ZNF408: variants seen among roughly 807,000 people sequenced by gnomAD.
ZNF408 encodes the protein PR domain zinc finger protein 17.
Under a neutral mutation model 27.6 loss-of-function variants are expected in ZNF408, and 24 were observed. The observed-to-expected ratio is 0.87, with a 90% CI of 0.63 to 1.22. The LOEUF (loss-of-function observed/expected upper bound fraction) is 1.22. ZNF408 is among the 50% of genes most tolerant of loss of function. The pLI, the probability that ZNF408 is intolerant of heterozygous loss-of-function variation, is 0.00. For missense variants in ZNF408, 897 were observed against 949.0 expected, an observed-to-expected ratio of 0.95 and a Z score of 0.72; for synonymous variants, 410 against 396.1, an observed-to-expected ratio of 1.04 and a Z score of -0.42.
At chr11:46,702,648 A>G (rs1346655297) in intron 2 of ZNF408, 56 bp from the exon 3 acceptor site, 4 of 1,556,800 alleles carry the variant, frequency 2.6e-6, no homozygotes, top group Middle Eastern at 1.7e-4. Context: ...TTCTTTTTTT[A>G]TTCCTACCCG....
chr11:46,705,676 T>C lies in ZNF408; in HGVS notation c.1976T>C (p.Leu659Pro). The change falls in exon 5 of 5, where the codon CTG becomes CCG. Residue 659 changes from leucine to proline, a missense_variant. By Grantham distance (98) the Leu-to-Pro change is moderately conservative. Coordinates refer to ENST00000311764, the MANE Select transcript of ZNF408 (RefSeq NM_024741.3). This position sits in a 1 kb window ranked among gnomAD's most constrained non-coding sequence, Gnocchi z 6.5. ...VVLLQAEPQL[L>P]DTHREEEVSP... Reference sequence around the variant, plus strand: ...CTCCTGCAGGCTGAGCCACAACTGCTGGACACACACAGAGAGGAGGAAGTC... The same window carrying C: ...CTCCTGCAGGCTGAGCCACAACTGCCGGACACACACAGAGAGGAGGAAGTC... 1 of 1,613,856 alleles carries C rather than the reference T, an allele frequency of 6.2e-7. No individual in the cohort carries two copies. The highest frequency in any genetic ancestry group is 8.5e-7 in the Non-Finnish European group (1 of 1,179,986).
Position 46,704,837 on chromosome 11 carries a change from G to C in ZNF408, c.1137G>C (p.Lys379Asn). ...KKHAFVHTGH[K>N]PFLCTECGKS... Reference sequence around the variant, plus strand: ...ACGCATTTGTGCACACGGGCCACAAGCCCTTTCTTTGCACTGAGTGTGGCA... The same window carrying C: ...ACGCATTTGTGCACACGGGCCACAACCCCTTTCTTTGCACTGAGTGTGGCA... Residue 379 changes from lysine (K) to asparagine (N), a missense_variant, in exon 5 of 5, where the codon AAG (lysine) becomes AAC (asparagine). Coordinates refer to ENST00000311764, the MANE Select transcript of ZNF408 (RefSeq NM_024741.3). The C allele has an allele frequency of 6.2e-7, 1 of 1,601,056 alleles. No individual in the cohort carries two copies. Among genetic ancestry groups the C allele is most frequent in the African/African-American group, 1.3e-5 (1 of 74,624 alleles).
chr11:46,701,261 C>G, intron 1 of ZNF408, 138 bp from the exon 2 acceptor site: 1 of 1,555,162 alleles, frequency 6.4e-7, no homozygotes, highest in Non-Finnish European at 8.8e-7. Flanking sequence ...CTCCTCAAAA[C>G]TTTCAGGGCC....
Position 46,704,337 on chromosome 11 carries a change from C to G in ZNF408, c.653-16C>G. The G allele has an allele frequency of 6.4e-7, 1 of 1,570,328 alleles. No individual in the cohort carries two copies. The highest frequency in any genetic ancestry group is 8.6e-7 in the Non-Finnish European group (1 of 1,157,796). Reference sequence around the variant, plus strand: ...TTGAAGCTCCCTAAACCCAGTACCCCATCCTTGCCTTGCAGATCCTGGTTC... The same window carrying G: ...TTGAAGCTCCCTAAACCCAGTACCCGATCCTTGCCTTGCAGATCCTGGTTC... On this transcript the variant is annotated splice_polypyrimidine_tract_variant and intron_variant, in intron 4 of 4. Transcript: ENST00000311764.
chr11:46,703,317 T>C (rs2064724743), intron 4 of ZNF408, 74 bp downstream of exon 4: 2 of 1,511,370 alleles, frequency 1.3e-6, no homozygotes, highest in South Asian at 2.6e-5. Flanking sequence ...CAAAGCAGAG[T>C]TTATGGCTCA....
At chr11:46,701,770 A>G in intron 2 of ZNF408, 94 bp downstream of exon 2, 10 of 1,381,272 alleles carry the variant, frequency 7.2e-6, no homozygotes, top group Non-Finnish European at 8.6e-6. Flanking sequence ...GAAAGAGAGT[A>G]TTTCAAGAGA....
rs760736872 is a variant in ZNF408, at chr11:46,704,620, AG to A, written c.921del (p.Lys308SerfsTer61). The A allele has an allele frequency of 5.0e-6, 8 of 1,614,016 alleles. No homozygotes were observed. The highest frequency in any genetic ancestry group is 6.8e-6 in the Non-Finnish European group (8 of 1,180,016). On this transcript the variant is annotated frameshift_variant, in exon 5 of 5. Coordinates refer to ENST00000311764, the MANE Select transcript of ZNF408 (RefSeq NM_024741.3). LOFTEE classifies it low-confidence loss of function (END_TRUNC). ...RGTQPHGYLA[K>X]KLHSPSDQCP... is the part of the protein sequence containing the mutation. ...ACCCAGCCGCATGGCTACCTGGCCA[AG>A]AAGTTACACAGCCCCAGTGATCAGT... is the stretch of plus-strand genomic sequence containing the variant.
intron 4 of ZNF408, among the ~76,000 whole-genome samples, chr11:46,703,764 G>GTTTTTTTTTT (rs1276758688): frequency 1.5e-4 from 11 of 75,480 alleles, no homozygotes; most frequent in African/African-American, 4.5e-4. Flanking sequence ...TGTTGTTGTT[G>GTTTTTTTTTT]TTGTTGTTTT....
intron 1 of ZNF408, 104 bp from the exon 2 acceptor site, chr11:46,701,295 C>G (rs1234236090): frequency 1.3e-6 from 2 of 1,566,422 alleles, no homozygotes; most frequent in Non-Finnish European, 1.7e-6. Flanking sequence ...TCACCTGTCC[C>G]TCGGGCTCCG....
chr11:46,701,216 C>CA, intron 1 of ZNF408, 117 bp downstream of exon 1: 1 of 1,585,218 alleles, frequency 6.3e-7, no homozygotes, highest in Non-Finnish European at 8.6e-7. Flanking sequence ...CCAGTGCCCT[C>CA]AGAGTCGCTG....
At chr11:46,702,020 CTT>C (rs2064712950) in intron 2 of ZNF408, 1 of 216,698 alleles carries the variant, frequency 4.6e-6, no homozygotes, top group African/African-American at 2.3e-5. Flanking sequence ...CAGTGGCTCT[CTT>C]GGGATTATAT....
At chr11:46,703,286 C>G (rs200724523) in intron 4 of ZNF408, 43 bp downstream of exon 4, 39 of 1,576,418 alleles carry the variant, frequency 2.5e-5, no homozygotes, top group Non-Finnish European at 3.3e-5. Flanking sequence ...ATTTCCCCAC[C>G]AAAACAACCT....
Position 46,701,480 on chromosome 11 carries a change from C to T in ZNF408, c.134C>T (p.Pro45Leu). 1.2e-6 allele frequency: 2 copies of T among 1,614,044 alleles called. No homozygotes were observed. ...ACGCAGGGCCTCAAAGACGTCCCAC[C>T]CGAGCCGACCCGAGACATCCTCGCT... is the stretch of plus-strand genomic sequence containing the variant. ...GCTQGLKDVPPEPTRDILALK... is the reference protein window; with the variant it reads ...GCTQGLKDVPLEPTRDILALK... Residue 45 changes from proline (P) to leucine (L), a missense_variant, in exon 2 of 5, where the codon CCC (proline) becomes CTC (leucine). Transcript: ENST00000311764.
rs552520818 is a variant in ZNF408 at position 46,704,531 on chromosome 11, C to A, written c.831C>A (p.Ser277Arg). 2.5e-6 allele frequency: 4 copies of A among 1,613,840 alleles called. No individual in the cohort carries two copies. In the African/African-American group the frequency reaches 4.0e-5, roughly 16 times the overall value. ...AQAQMPPELQSNSATQQDPDG... is the reference protein window; with the variant it reads ...AQAQMPPELQRNSATQQDPDG... ...CACAGATGCCACCTGAACTTCAGAG[C>A]AATTCGGCTACCCAGCAGGACCCAG... Residue 277 changes from serine (S) to arginine (R), a missense_variant, in exon 5 of 5, where the codon AGC (serine) becomes AGA (arginine). Transcript: ENST00000311764.
chr11:46,703,753 T>G (rs2064728143), intron 4 of ZNF408, among the ~76,000 whole-genome samples: 2 of 132,580 alleles, frequency 1.5e-5, no homozygotes, highest in Non-Finnish European at 1.6e-5. Flanking sequence ...TTTGTTGTTG[T>G]TGTTGTTGTT....
intron 2 of ZNF408, among the ~76,000 whole-genome samples, chr11:46,702,273 T>G (rs2064714871): frequency 6.6e-6 from 1 of 152,158 alleles, no homozygotes; most frequent in African/African-American, 2.4e-5. Flanking sequence ...TTTTGTATTT[T>G]TAGTAGAGAC....
At chr11:46,703,581 T>G (rs2064726708) in intron 4 of ZNF408, among the ~76,000 whole-genome samples, 1 of 152,004 alleles carries the variant, frequency 6.6e-6, no homozygotes, top group African/African-American at 2.4e-5. Flanking sequence ...TATAGATATT[T>G]GCAACTTTTA....
intron 1 of ZNF408, 66 bp from the exon 2 acceptor site, chr11:46,701,333 C>T: frequency 6.3e-7 from 1 of 1,589,496 alleles, no homozygotes; most frequent in South Asian, 1.1e-5. Flanking sequence ...GCGGTTTCCT[C>T]CCACACTTTT....
chr11:46,704,363 CCA>C lies in ZNF408; in HGVS notation c.664_665del (p.Gln222ValfsTer16), dbSNP rs772221345. 1 of 1,589,674 alleles carries C rather than the reference CCA, an allele frequency of 6.3e-7. No individual in the cohort carries two copies. The highest frequency in any genetic ancestry group is 8.6e-7 in the Non-Finnish European group (1 of 1,166,484). ...ATCCTTGCCTTGCAGATCCTGGTTC[CCA>C]GTCACCCTCTGGCATCCAGGCAGAG... ...AAEPCIDPGS[Q>X]SPSGIQAENM... On this transcript the variant is annotated frameshift_variant, in exon 5 of 5. Transcript: ENST00000311764. LOFTEE classifies it low-confidence loss of function (END_TRUNC).
Sources: gnomAD v4.1 joint callset for allele counts (sites outside exome capture counted in the v4.1 genomes callset) on GRCh38, gnomAD v4.1.1 for gene constraint, Gnocchi (gnomAD v3.1) non-coding constraint, MANE v1.5 for transcripts, NCBI Gene and HGNC (gene_info 2026-07-23, HGNC 2026-07-21) for gene names.